Variants in DOCK4 observed in about 807,000 individuals in gnomAD.
DOCK4 encodes dedicator of cytokinesis 4.
Under a neutral mutation model 268.1 loss-of-function variants are expected in DOCK4, and 97 were observed. The ratio of observed to expected loss-of-function variants is 0.36; its 90% CI spans 0.31 to 0.43. DOCK4 has a LOEUF of 0.43. Among genes scored for constraint, DOCK4 ranks in the 20% least tolerant of loss-of-function variants. The pLI is 1.00. For missense variants in DOCK4, 2,145 were observed against 2,455.7 expected (o/e 0.87, Z 2.67); for synonymous variants, 954 against 887.2 (o/e 1.08, Z -1.34).
At chr7:111,830,905 C>T (rs1029572267) in intron 26 of DOCK4, among the ~76,000 whole-genome samples, 3 of 151,922 alleles carry the variant, frequency 2.0e-5, no homozygotes, top group Non-Finnish European at 4.4e-5. Flanking sequence ...TGATGGTACT[C>T]GACCTCCTTG....
intron 43 of DOCK4, 39 bp downstream of exon 43, chr7:111,747,228 T>C (rs767084972): frequency 3.8e-6 from 6 of 1,585,030 alleles, no homozygotes; most frequent in Non-Finnish European, 5.2e-6. Flanking sequence ...GAAGTCACAA[T>C]TGAAAACTTT....
chr7:112,095,211 CAAAG>C (rs1343698120), intron 1 of DOCK4, among the ~76,000 whole-genome samples: 3 of 151,764 alleles, frequency 2.0e-5, no homozygotes, highest in African/African-American at 7.3e-5. Flanking sequence ...AAGGAGGAGT[CAAAG>C]AAAGACAATG....
Position 112,200,738 on chromosome 7 carries a change from AC to A in DOCK4, c.37+5363del, listed in dbSNP as rs746666141. Among the ~76,000 whole-genome samples the A allele has an allele frequency of 4.5e-4, 44 of 97,240 alleles. 1 individual carries two copies. Among genetic ancestry groups the A allele is most frequent in the African/African-American group, 2.5e-3 (38 of 14,966 alleles). The allele number at this position is 97,240 out of a possible 152,430, so 63.8% of individuals were successfully genotyped here. A position where few individuals can be genotyped will look rare whatever the true frequency, so the allele number is the denominator to read the frequency against. On this transcript the variant is annotated intron_variant, in intron 1 of 52. Transcript: ENST00000428084. ...CAGCCTCTAAAATAAAAAAAAAAAAACAAAAAAAAACAAGATCATAGAGGAA... is the reference window on the plus strand; with the variant it reads ...CAGCCTCTAAAATAAAAAAAAAAAAAAAAAAAAAACAAGATCATAGAGGAA...
At chr7:111,852,430 C>A (rs10277083) in intron 23 of DOCK4, among the ~76,000 whole-genome samples, 14,948 of 151,334 alleles carry the variant, frequency 0.099, 928 homozygotes, top group African/African-American at 0.16. Flanking sequence ...CATTGCAAGC[C>A]TTCTTTAAAC....
At chr7:111,822,033 T>C (rs960897023) in intron 27 of DOCK4, among the ~76,000 whole-genome samples, 2 of 152,218 alleles carry the variant, frequency 1.3e-5, no homozygotes, top group Non-Finnish European at 2.9e-5. Flanking sequence ...CAGAACAGTG[T>C]GTATATTACA....
At chr7:112,016,705 C>A (rs986320379) in intron 1 of DOCK4, among the ~76,000 whole-genome samples, 1 of 152,068 alleles carries the variant, frequency 6.6e-6, no homozygotes, top group African/African-American at 2.4e-5. Context: ...TTAGTTTAGT[C>A]TTGATTTCTT....
intron 1 of DOCK4, among the ~76,000 whole-genome samples, chr7:112,135,726 ATTTC>A (rs1051286507): frequency 1.4e-5 from 2 of 138,192 alleles, no homozygotes; most frequent in African/African-American, 6.4e-5. Context: ...AGCTTTTTCT[ATTTC>A]TTTTTTCCAA....
At chr7:111,852,919 T>C (rs1043557247) in intron 23 of DOCK4, among the ~76,000 whole-genome samples, 8 of 152,226 alleles carry the variant, frequency 5.3e-5, no homozygotes, top group Non-Finnish European at 1.5e-5. Context: ...TCACTAACTT[T>C]CCATGCATTT....
At chr7:111,774,793 T>C (rs1210538436) in intron 36 of DOCK4, among the ~76,000 whole-genome samples, 2 of 152,108 alleles carry the variant, frequency 1.3e-5, no homozygotes, top group East Asian at 3.9e-4. Context: ...AGGGAAGGAG[T>C]TGGCAAACTT....
intron 1 of DOCK4, among the ~76,000 whole-genome samples, chr7:112,127,749 G>A (rs965830660): frequency 7.9e-5 from 12 of 152,146 alleles, no homozygotes; most frequent in Non-Finnish European, 1.8e-4. Flanking sequence ...GCCTAAGCTT[G>A]GCTGGGTGCG....
chr7:112,134,991 ATGTG>A (rs576509921), intron 1 of DOCK4, among the ~76,000 whole-genome samples: 3 of 151,596 alleles, frequency 2.0e-5, no homozygotes, highest in South Asian at 2.1e-4. Flanking sequence ...TAAAACATAT[ATGTG>A]TGTGTGTGTG....
Position 111,945,881 on chromosome 7 carries a change from C to T in DOCK4, c.702-83G>A, listed in dbSNP as rs990950878. ...CCTCTGTAACTACTCTTCATCACAA[C>T]AGGTAAGCTAAATATTAGGTTGTTC... On this transcript the variant is annotated intron_variant, in intron 8 of 52. Transcript: ENST00000428084. The T allele has an allele frequency of 1.3e-5, 13 of 1,020,228 alleles. No homozygotes were observed. The African/African-American group carries it at 1.3e-4, about 10-fold the overall frequency. The allele number at this position is 1,020,228 out of a possible 1,614,324, so 63.2% of individuals were successfully genotyped here. A position where few individuals can be genotyped will look rare whatever the true frequency, so the allele number is the denominator to read the frequency against.
intron 1 of DOCK4, among the ~76,000 whole-genome samples, chr7:112,065,584 A>C (rs1806848235): frequency 6.7e-6 from 1 of 148,880 alleles, no homozygotes; most frequent in African/African-American, 2.5e-5. Flanking sequence ...AGCTGAGTAC[A>C]GGAATTCCTG....
intron 49 of DOCK4, 87 bp from the exon 50 acceptor site, chr7:111,737,076 A>AAAC: frequency 8.4e-7 from 1 of 1,191,772 alleles, no homozygotes; most frequent in Non-Finnish European, 1.2e-6. Context: ...CTCCTCAGTA[A>AAAC]AACTTTTTGT....
intron 30 of DOCK4, among the ~76,000 whole-genome samples, chr7:111,799,536 T>C (rs951474880): frequency 6.6e-6 from 1 of 152,166 alleles, no homozygotes; most frequent in African/African-American, 2.4e-5. Flanking sequence ...AGAAACCAAC[T>C]TCTGGATACA....
intron 11 of DOCK4, 122 bp downstream of exon 11, chr7:111,939,988 T>G: frequency 2.0e-6 from 2 of 994,900 alleles, no homozygotes; most frequent in South Asian, 3.2e-5. Flanking sequence ...ACTGGGTTTT[T>G]GAGGAATGGC....
chr7:111,779,684 G>A (rs540047084), intron 35 of DOCK4, among the ~76,000 whole-genome samples: 30 of 152,160 alleles, frequency 2.0e-4, no homozygotes, highest in Non-Finnish European at 3.7e-4. Context: ...TCAGGCATGA[G>A]CCACTGATCC....
At chr7:111,811,188 T>C (rs1007769431) in intron 28 of DOCK4, among the ~76,000 whole-genome samples, 1 of 145,262 alleles carries the variant, frequency 6.9e-6, no homozygotes, top group Non-Finnish European at 1.5e-5. Context: ...TAAAATTCCT[T>C]TTTTATTGTA....
chr7:111,795,182 G>T (rs1442178096), intron 30 of DOCK4, among the ~76,000 whole-genome samples: 2 of 152,130 alleles, frequency 1.3e-5, no homozygotes, highest in African/African-American at 2.4e-5. Flanking sequence ...CAAATAACCA[G>T]CTTCAGCTGG....
Sources: allele counts gnomAD v4.1 joint callset (sites outside exome capture counted in the v4.1 genomes callset), GRCh38; gene constraint gnomAD v4.1.1; transcripts MANE v1.5; gene names NCBI Gene and HGNC (gene_info 2026-07-23, HGNC 2026-07-21).